The following ALK variants were observed in gnomAD, a reference collection of about 807,000 sequenced individuals.
ALK encodes ALK tyrosine kinase receptor.
ALK carries 74 observed loss-of-function variants against 163.1 expected under a neutral mutation model. The ratio of observed to expected loss-of-function variants is 0.45; its 90% CI spans 0.38 to 0.55. ALK has a LOEUF of 0.55. ALK is among the 20% of genes least tolerant of loss of function. ALK has a pLI of 0.00. For synonymous variants in ALK, 960 were observed against 843.2 expected (o/e 1.14, Z -2.40); for missense variants, 2,063 against 2,105.3 (o/e 0.98, Z 0.39).
intron 9 of ALK, among the ~76,000 whole-genome samples, chr2:29,293,426 G>C (rs1666092289): frequency 6.6e-6 from 1 of 151,294 alleles, no homozygotes. Flanking sequence ...TGTATATTCA[G>C]ATATAAAAAA....
chr2:29,723,648 C>A (rs1679482782), intron 1 of ALK, among the ~76,000 whole-genome samples: 1 of 152,176 alleles, frequency 6.6e-6, no homozygotes, highest in African/African-American at 2.4e-5. Flanking sequence ...TGCCAAACCT[C>A]AATTTTCTGA....
intron 1 of ALK, among the ~76,000 whole-genome samples, chr2:29,891,315 T>C (rs573263900): frequency 6.6e-6 from 1 of 152,260 alleles, no homozygotes; most frequent in South Asian, 2.1e-4. Context: ...AGCAGATTTT[T>C]AAAAAGAGGT....
chr2:29,835,454 T>G (rs77247165), intron 1 of ALK, among the ~76,000 whole-genome samples: 9,169 of 152,148 alleles, frequency 0.06, 690 homozygotes, highest in African/African-American at 0.18. Context: ...GAAAATGAAG[T>G]TATGGAGTGT....
intron 1 of ALK, among the ~76,000 whole-genome samples, chr2:29,768,897 A>C (rs952609070): frequency 6.6e-6 from 1 of 152,022 alleles, no homozygotes; most frequent in African/African-American, 2.4e-5. Flanking sequence ...GCAGGAGCAC[A>C]ATCACAGCTC....
At chr2:29,676,561 G>A (rs1677879408) in intron 3 of ALK, among the ~76,000 whole-genome samples, 1 of 151,678 alleles carries the variant, frequency 6.6e-6, no homozygotes, top group Non-Finnish European at 1.5e-5. Context: ...TCATTACTTT[G>A]GCTTTATAGT....
At chr2:29,762,006 T>C (rs930926341) in intron 1 of ALK, among the ~76,000 whole-genome samples, 1 of 152,182 alleles carries the variant, frequency 6.6e-6, no homozygotes, top group Non-Finnish European at 1.5e-5. Flanking sequence ...AAACTATAAA[T>C]ATAGAGTAGG....
rs139622092 is a variant in ALK, at chr2:29,699,081, C to T, written c.788-4067G>A. On this transcript the variant is annotated intron_variant, in intron 2 of 28. Transcript: ENST00000389048. ...GTGTGCTTCTTGAATCTCTCTCCTT[C>T]ACCCTCTTCCAACTCAGTGCCTATG... 8.0e-3 allele frequency among the ~76,000 whole-genome samples: 1,221 copies of T among 152,316 alleles called. 15 individuals are homozygous for T. Among genetic ancestry groups the T allele is most frequent in the South Asian group, 0.044 (213 of 4,824 alleles).
intron 6 of ALK, among the ~76,000 whole-genome samples, chr2:29,321,401 T>C (rs1163082454): frequency 6.6e-6 from 1 of 152,234 alleles, no homozygotes; most frequent in African/African-American, 2.4e-5. Context: ...TCTGGGTCCA[T>C]CAAATTACCT....
chr2:29,506,562 C>T (rs139625806), intron 4 of ALK, among the ~76,000 whole-genome samples: 2,165 of 152,020 alleles, frequency 0.014, 64 homozygotes, highest in African/African-American at 0.05. Context: ...CTGGCCAACA[C>T]GGTGAAACCC....
intron 4 of ALK, among the ~76,000 whole-genome samples, chr2:29,512,208 A>G (rs1056068857): frequency 6.6e-6 from 1 of 152,160 alleles, no homozygotes; most frequent in East Asian, 1.9e-4. Flanking sequence ...GTTTAGGTCT[A>G]GACCAATATC....
At chr2:29,245,239 C>T (rs1211484994) in intron 12 of ALK, among the ~76,000 whole-genome samples, 1 of 149,012 alleles carries the variant, frequency 6.7e-6, no homozygotes, top group South Asian at 2.2e-4. Context: ...CTCCATGGCT[C>T]AGTGCCCTGC....
At chr2:29,589,895 A>T (rs1674998316) in intron 3 of ALK, among the ~76,000 whole-genome samples, 1 of 152,234 alleles carries the variant, frequency 6.6e-6, no homozygotes, top group Non-Finnish European at 1.5e-5. Context: ...TTTGGCAGAA[A>T]GGAAAGTAAA....
At chr2:29,668,633 T>C (rs566954839) in intron 3 of ALK, among the ~76,000 whole-genome samples, 1 of 152,274 alleles carries the variant, frequency 6.6e-6, no homozygotes, top group South Asian at 2.1e-4. Flanking sequence ...TTGAATTCTT[T>C]GAACTTGTTC....
chr2:29,916,083 C>T lies in ALK; in HGVS notation c.667+3910G>A, dbSNP rs529892189. Among the ~76,000 whole-genome samples, 5 of 152,284 alleles carry T rather than the reference C, an allele frequency of 3.3e-5. No individual in the cohort carries two copies. The South Asian group carries it at 1.0e-3, about 32-fold the overall frequency. ...CCATTCTGCATCCCAGCTCTCTGTC[C>T]TGTTGTAGCTTCTCAATATGTGAAA... On this transcript the variant is annotated intron_variant, in intron 1 of 28. Coordinates refer to ENST00000389048, the MANE Select transcript of ALK (RefSeq NM_004304.5).
At chr2:29,919,637 T>C (rs1667931296) in intron 1 of ALK, among the ~76,000 whole-genome samples, 1 of 152,162 alleles carries the variant, frequency 6.6e-6, no homozygotes, top group South Asian at 2.1e-4. Context: ...CATCTACTAC[T>C]AAGCTTGGAA....
intron 4 of ALK, among the ~76,000 whole-genome samples, chr2:29,466,278 T>G (rs974659457): frequency 1.3e-5 from 2 of 152,112 alleles, no homozygotes; most frequent in African/African-American, 4.8e-5. Context: ...GTTGACATCT[T>G]AGTTCCCGTC....
chr2:29,490,461 G>C (rs1049475372), intron 4 of ALK, among the ~76,000 whole-genome samples: 5 of 152,202 alleles, frequency 3.3e-5, no homozygotes, highest in Non-Finnish European at 5.9e-5. Flanking sequence ...AGCGGCATCA[G>C]CATCATCTGG....
intron 26 of ALK, among the ~76,000 whole-genome samples, chr2:29,197,927 A>C (rs1249124894): frequency 6.6e-6 from 1 of 152,116 alleles, no homozygotes; most frequent in Non-Finnish European, 1.5e-5. Context: ...ACTTATTTGC[A>C]GTTATATTCA....
chr2:29,254,118 T>G (rs968475355), intron 11 of ALK, among the ~76,000 whole-genome samples: 14 of 152,194 alleles, frequency 9.2e-5, no homozygotes, highest in Non-Finnish European at 2.1e-4. Flanking sequence ...CTTCCTGCCA[T>G]CATGTGAAGA....
Sources: allele counts gnomAD v4.1 joint callset (sites outside exome capture counted in the v4.1 genomes callset), GRCh38; gene constraint gnomAD v4.1.1; transcripts MANE v1.5; gene names NCBI Gene and HGNC (gene_info 2026-07-23, HGNC 2026-07-21).